Variants in SUPT20H observed in about 807,000 individuals in gnomAD.
The protein encoded by SUPT20H is transcription factor SPT20 homolog.
In SUPT20H, 82 loss-of-function variants were observed where a neutral mutation model predicts 122.8. That is an observed-to-expected ratio of 0.67 (90% CI 0.56 to 0.80). SUPT20H has a LOEUF of 0.80. Ranked by LOEUF, SUPT20H falls within the 30% of genes least tolerant of loss-of-function variation. The pLI is 0.00. For missense variants in SUPT20H, 831 were observed against 921.6 expected (o/e 0.90, Z 1.27); for synonymous variants, 291 against 313.0 (o/e 0.93, Z 0.74).
At chr13:37,011,349 G>T (rs1235792727) in intron 24 of SUPT20H, among the ~76,000 whole-genome samples, 1 of 152,158 alleles carries the variant, frequency 6.6e-6, no homozygotes, top group Admixed American at 6.5e-5. Flanking sequence ...TCTGATAAAG[G>T]TATATGATTA....
At chr13:37,055,662 C>G (rs1334333256) in intron 1 of SUPT20H, among the ~76,000 whole-genome samples, 2 of 152,176 alleles carry the variant, frequency 1.3e-5, no homozygotes, top group Admixed American at 6.5e-5. Flanking sequence ...ACCATAAAAA[C>G]CCTAGAAGAA....
intron 9 of SUPT20H, among the ~76,000 whole-genome samples, chr13:37,036,175 T>G (rs1295278555): frequency 6.6e-6 from 1 of 152,212 alleles, no homozygotes; most frequent in Non-Finnish European, 1.5e-5. Context: ...AAGGTTCAGA[T>G]GATCATTAGC....
At chr13:37,048,019 T>A in intron 3 of SUPT20H, 83 bp from the exon 4 acceptor site, 3 of 1,014,890 alleles carry the variant, frequency 3.0e-6, no homozygotes, top group Non-Finnish European at 4.2e-6. Context: ...AAAACATACG[T>A]AAGGCTAAAA....
intron 22 of SUPT20H, among the ~76,000 whole-genome samples, chr13:37,018,517 C>T (rs1283505497): frequency 6.6e-6 from 1 of 152,070 alleles, no homozygotes; most frequent in African/African-American, 2.4e-5. Context: ...TTGTTATTTC[C>T]CATCAATCCA....
At chr13:37,017,815 G>A (rs551806168) in intron 22 of SUPT20H, among the ~76,000 whole-genome samples, 13 of 152,256 alleles carry the variant, frequency 8.5e-5, no homozygotes, top group African/African-American at 2.6e-4. Context: ...GTATAACACA[G>A]TGAGGAATTT....
At chr13:37,054,230 T>C (rs556235005) in intron 1 of SUPT20H, among the ~76,000 whole-genome samples, 3 of 152,204 alleles carry the variant, frequency 2.0e-5, no homozygotes, top group African/African-American at 7.2e-5. Context: ...ACTATTCCAA[T>C]CAATGGAAAA....
At chr13:37,018,120 A>G (rs1044865937) in intron 22 of SUPT20H, among the ~76,000 whole-genome samples, 29 of 152,018 alleles carry the variant, frequency 1.9e-4, no homozygotes, top group African/African-American at 7.0e-4. Flanking sequence ...CAAAAAAATA[A>G]TAATAAAAAA....
intron 7 of SUPT20H, among the ~76,000 whole-genome samples, chr13:37,042,213 A>ATTACCT (rs1242180159): frequency 6.6e-6 from 1 of 152,214 alleles, no homozygotes; most frequent in Non-Finnish European, 1.5e-5. Context: ...GGACAGAGTC[A>ATTACCT]TCTGTTAGAC....
chr13:37,046,323 T>C (rs1442991409), intron 5 of SUPT20H, among the ~76,000 whole-genome samples: 2 of 152,152 alleles, frequency 1.3e-5, no homozygotes, highest in Non-Finnish European at 2.9e-5. Flanking sequence ...TAATTTGACT[T>C]AAGACAGAAT....
Position 37,040,446 on chromosome 13 carries a change from C to A in SUPT20H, c.526G>T (p.Asp176Tyr). The change falls in exon 9 of 26, where the codon GAT (aspartate) becomes TAT (tyrosine). Residue 176 changes from aspartate (D) to tyrosine (Y), a missense_variant. By Grantham distance (160) the Asp-to-Tyr change is radical. Transcript: ENST00000350612. ...LRPTMQTLICDVHSITSDNHK... is the reference protein window; with the variant it reads ...LRPTMQTLICYVHSITSDNHK... ...TTATCACTTGTTATTGAATGTACATCACAAATTAAAGTCTAGAAGAAATAA... is the reference window on the plus strand; with the variant it reads ...TTATCACTTGTTATTGAATGTACATAACAAATTAAAGTCTAGAAGAAATAA... 6.3e-7 allele frequency: 1 copy of A among 1,581,244 alleles called. No individual in the cohort carries two copies. Among genetic ancestry groups the A allele is most frequent in the South Asian group, 1.2e-5 (1 of 83,460 alleles).
chr13:37,019,446 A>G, intron 21 of SUPT20H, 49 bp from the exon 22 acceptor site: 1 of 1,339,306 alleles, frequency 7.5e-7, no homozygotes, highest in East Asian at 2.4e-5. Flanking sequence ...TTTATTACAC[A>G]TGAAAATAAT....
At chr13:37,025,550 T>C (rs2062105009) in intron 16 of SUPT20H, 113 bp from the exon 17 acceptor site, 4 of 661,478 alleles carry the variant, frequency 6.0e-6, no homozygotes, top group Non-Finnish European at 1.0e-5. Context: ...CTATCAAAAT[T>C]AACATAAATA....
chr13:37,054,029 A>G (rs1178621826), intron 1 of SUPT20H, among the ~76,000 whole-genome samples: 5 of 152,236 alleles, frequency 3.3e-5, no homozygotes, highest in Non-Finnish European at 5.9e-5. Context: ...AGAAATGGAT[A>G]AATTCCTCGA....
intron 1 of SUPT20H, among the ~76,000 whole-genome samples, chr13:37,052,989 T>C (rs2068079055): frequency 6.6e-6 from 1 of 152,130 alleles, no homozygotes. Context: ...CTCACACCAG[T>C]TAGAATGGCA....
chr13:37,034,575 A>G (rs1009661810), intron 9 of SUPT20H, among the ~76,000 whole-genome samples: 3 of 152,230 alleles, frequency 2.0e-5, no homozygotes, highest in Non-Finnish European at 4.4e-5. Context: ...AGCTGTCTCC[A>G]TAACACAAAA....
Position 37,040,698 on chromosome 13 carries a change from T to A in SUPT20H, c.397-6A>T. The A allele has an allele frequency of 1.2e-6, 2 of 1,607,186 alleles. No homozygotes were observed. Among genetic ancestry groups the A allele is most frequent in the South Asian group, 2.2e-5 (2 of 89,492 alleles). On this transcript the variant is annotated splice_polypyrimidine_tract_variant and splice_region_variant and intron_variant, in intron 7 of 25. Coordinates refer to ENST00000350612, the MANE Select transcript of SUPT20H (RefSeq NM_001014286.3). ...CCGCAATGAAAAATATTAACCTGTT[T>A]GGGCAAAAATACGTAAACGTCATTT...
intron 1 of SUPT20H, among the ~76,000 whole-genome samples, chr13:37,054,365 C>A (rs914209165): frequency 6.6e-6 from 1 of 152,118 alleles, no homozygotes; most frequent in African/African-American, 2.4e-5. Context: ...TGCAAAAATC[C>A]TCAATAAAAT....
rs771286976 is a variant in SUPT20H at position 37,011,038 on chromosome 13, TAGAC to T, written c.2099-387_2099-384del. Among the ~76,000 whole-genome samples, 16 of 152,316 alleles carry T rather than the reference TAGAC, an allele frequency of 1.1e-4. No individual in the cohort carries two copies. The South Asian group carries it at 1.7e-3, about 16-fold the overall frequency. ...CAAACTATTGTAACAACAAAGCTGG[TAGAC>T]AGACAATTGCTTTAAACAAAAGATG... On this transcript the variant is annotated intron_variant, in intron 24 of 25. Transcript: ENST00000350612.
chr13:37,026,777 A>T lies in SUPT20H; in HGVS notation c.1178+13T>A. The stretch of plus-strand genomic sequence containing the variant: ...ATTTCTTAACAGATTAAAATAGTTT[A>T]TTTTTTAATTACCAATTTGAATGAT... On this transcript the variant is annotated intron_variant, in intron 15 of 25. Transcript: ENST00000350612. The T allele has an allele frequency of 7.3e-7, 1 of 1,370,350 alleles. No homozygotes were observed. The highest frequency in any genetic ancestry group is 9.8e-7 in the Non-Finnish European group (1 of 1,023,318). 84.9% of individuals were successfully genotyped at this position (1,370,350 alleles called of 1,614,324 possible). A position where few individuals can be genotyped will look rare whatever the true frequency, so the allele number is the denominator to read the frequency against.
Sources: gnomAD v4.1 joint callset for allele counts (sites outside exome capture counted in the v4.1 genomes callset) on GRCh38, gnomAD v4.1.1 for gene constraint, MANE v1.5 for transcripts, NCBI Gene and HGNC (gene_info 2026-07-23, HGNC 2026-07-21) for gene names.